The following LCORL variants were observed in gnomAD, a reference collection of about 807,000 sequenced individuals.
LCORL encodes ligand-dependent nuclear receptor corepressor-like protein.
LCORL carries 41 observed loss-of-function variants against 141.8 expected under a neutral mutation model. The ratio of observed to expected loss-of-function variants is 0.29; its 90% CI spans 0.23 to 0.38. LCORL has a LOEUF of 0.38. LCORL is among the 10% of genes least tolerant of loss of function. The pLI, the probability that LCORL is intolerant of heterozygous loss-of-function variation, is 1.00. For missense variants in LCORL, 1,759 were observed against 2,035.0 expected (o/e 0.86, Z 2.61); for synonymous variants, 618 against 694.1 (o/e 0.89, Z 1.72).
intron 2 of LCORL, among the ~76,000 whole-genome samples, chr4:17,970,845 T>C (rs1034643053): frequency 5.3e-5 from 8 of 152,210 alleles, no homozygotes; most frequent in Non-Finnish European, 8.8e-5. Flanking sequence ...ACACAGGTTA[T>C]ATGTCAAAGA....
rs956375021 is a variant in LCORL at position 17,991,362 on chromosome 4, G to A, written c.155-18477C>T. Among the ~76,000 whole-genome samples, 4 of 152,082 alleles carry A rather than the reference G, an allele frequency of 2.6e-5. No homozygotes were observed. In the South Asian group the frequency reaches 8.3e-4, roughly 32 times the overall value. Reference sequence around the variant, plus strand: ...ATTAAACCATTCCTCATTAATATCTGTTCATCTTTAAATGTTTACCATACC... The same window carrying A: ...ATTAAACCATTCCTCATTAATATCTATTCATCTTTAAATGTTTACCATACC... On this transcript the variant is annotated intron_variant, in intron 1 of 7. Coordinates refer to ENST00000635767, the Ensembl canonical transcript of LCORL.
At chr4:17,983,927 T>C (rs1252200047) in intron 1 of LCORL, among the ~76,000 whole-genome samples, 2 of 152,158 alleles carry the variant, frequency 1.3e-5, no homozygotes, top group African/African-American at 4.8e-5. Context: ...CTCTTATTAT[T>C]TTGAGGTGTG....
At chr4:17,947,857 A>G (rs1382991416) in intron 4 of LCORL, among the ~76,000 whole-genome samples, 1 of 151,944 alleles carries the variant, frequency 6.6e-6, no homozygotes, top group African/African-American at 2.4e-5. Flanking sequence ...TCCATTTTGC[A>G]TATACAATGT....
intron 1 of LCORL, among the ~76,000 whole-genome samples, chr4:17,994,530 A>G (rs1335758842): frequency 6.6e-6 from 1 of 152,170 alleles, no homozygotes; most frequent in Non-Finnish European, 1.5e-5. Flanking sequence ...GTTTCATCTG[A>G]TCTATTTTGC....
At chr4:17,961,094 A>C (rs1431725280) in intron 4 of LCORL, among the ~76,000 whole-genome samples, 1 of 152,176 alleles carries the variant, frequency 6.6e-6, no homozygotes, top group Non-Finnish European at 1.5e-5. Context: ...GGAGTAAAAT[A>C]GGGTCAACAA....
At chr4:17,875,993 G>C in exon 7 of LCORL, 6 of 1,230,974 alleles carry the variant, frequency 4.9e-6, no homozygotes, top group Non-Finnish European at 6.1e-6. Flanking sequence ...CTTCAGTTAC[G>C]TGATGGGTTG....
chr4:17,882,494 A>AAAGTTAAAATGCACTGCCCAGCTTCT, intron 6 of LCORL: 3 of 984,560 alleles, frequency 3.0e-6, no homozygotes, highest in Non-Finnish European at 3.6e-6. Flanking sequence ...GAGTCTAGTA[A>AAAGTTAAAATGCACTGCCCAGCTTCT]AAGTTAAAAT....
intron 5 of LCORL, among the ~76,000 whole-genome samples, chr4:17,897,240 T>C (rs1432793487): frequency 1.5e-5 from 2 of 132,976 alleles, no homozygotes; most frequent in African/African-American, 3.0e-5. Context: ...TTTTTTTTTT[T>C]TTTTTTTTTT....
chr4:17,883,266 A>G, intron 6 of LCORL: 1 of 986,880 alleles, frequency 1.0e-6, no homozygotes, highest in Non-Finnish European at 1.2e-6. Context: ...CTTGACATAC[A>G]TACAACAAGT....
intron 4 of LCORL, among the ~76,000 whole-genome samples, chr4:17,926,832 G>A (rs1735227755): frequency 6.6e-6 from 1 of 152,170 alleles, no homozygotes; most frequent in East Asian, 1.9e-4. Flanking sequence ...TAGAGCACAG[G>A]CAGAGGATAT....
At chr4:17,945,207 T>C (rs1325065086) in intron 4 of LCORL, among the ~76,000 whole-genome samples, 1 of 152,088 alleles carries the variant, frequency 6.6e-6, no homozygotes, top group Non-Finnish European at 1.5e-5. Flanking sequence ...ATGAGGTACA[T>C]GGGAAAACTC....
At chr4:17,960,737 C>T (rs1038269908) in intron 4 of LCORL, among the ~76,000 whole-genome samples, 3 of 152,018 alleles carry the variant, frequency 2.0e-5, no homozygotes, top group Admixed American at 6.6e-5. Context: ...ACTATAGGTA[C>T]GTGCCACTGT....
Position 18,001,112 on chromosome 4 carries a change from A to T in LCORL, c.154+20486T>A, listed in dbSNP as rs1721883212. ...ATTGAACCTAGGTGTTCGAAGCTGC[A>T]GTGAGCTATGACAGCACCACTGCAC... On this transcript the variant is annotated intron_variant, in intron 1 of 7. Transcript: ENST00000635767. 2.0e-5 allele frequency among the ~76,000 whole-genome samples: 3 copies of T among 152,202 alleles called. No homozygotes were observed. In the South Asian group the frequency reaches 6.2e-4, roughly 31 times the overall value.
chr4:17,883,336 G>A, intron 6 of LCORL: 10 of 1,004,246 alleles, frequency 1.0e-5, no homozygotes, highest in Non-Finnish European at 1.2e-5. Flanking sequence ...ATTATAAGAT[G>A]GTTCAACTGA....
At chr4:17,854,986 G>C (rs1257951895) in intron 7 of LCORL, among the ~76,000 whole-genome samples, 1 of 152,190 alleles carries the variant, frequency 6.6e-6, no homozygotes, top group African/African-American at 2.4e-5. Flanking sequence ...GGTGCATAGT[G>C]TGTGCTTAAT....
intron 4 of LCORL, among the ~76,000 whole-genome samples, chr4:17,931,727 A>G (rs942608509): frequency 4.6e-5 from 7 of 152,126 alleles, no homozygotes; most frequent in African/African-American, 7.2e-5. Context: ...CTTAATATAT[A>G]AAAATTTTTT....
chr4:17,935,842 A>G (rs1736763435), intron 4 of LCORL, among the ~76,000 whole-genome samples: 1 of 152,212 alleles, frequency 6.6e-6, no homozygotes, highest in South Asian at 2.1e-4. Context: ...GCATAATTTA[A>G]CTACAGTTGA....
At chr4:17,982,764 TTTAA>T (rs1484057993) in intron 1 of LCORL, among the ~76,000 whole-genome samples, 1 of 152,200 alleles carries the variant, frequency 6.6e-6, no homozygotes, top group African/African-American at 2.4e-5. Context: ...GCAGAAGCTC[TTTAA>T]TTAGTTCCCA....
At chr4:17,983,855 G>C (rs1560441017) in intron 1 of LCORL, among the ~76,000 whole-genome samples, 1 of 152,094 alleles carries the variant, frequency 6.6e-6, no homozygotes, top group South Asian at 2.1e-4. Flanking sequence ...CAGTTTTCAA[G>C]GGTAATGCTT....
Sources: gnomAD v4.1 joint callset for allele counts (sites outside exome capture counted in the v4.1 genomes callset) on GRCh38, gnomAD v4.1.1 for gene constraint, MANE v1.5 for transcripts, NCBI Gene and HGNC (gene_info 2026-07-23, HGNC 2026-07-21) for gene names.